Variants in CAP1 observed in about 807,000 individuals in gnomAD.
The protein encoded by CAP1 is adenylyl cyclase-associated protein 1.
A neutral mutation model predicts 58.2 loss-of-function variants in CAP1; 11 were observed. That is an observed-to-expected ratio of 0.19 (90% CI 0.12 to 0.31). The LOEUF is 0.31. CAP1 is among the 10% of genes least tolerant of loss of function. The pLI, the probability that CAP1 is intolerant of heterozygous loss-of-function variation, is 1.00. For missense variants in CAP1, 423 were observed against 587.5 expected (o/e 0.72, Z 2.89); for synonymous variants, 183 against 213.8 (o/e 0.86, Z 1.26).
chr1:40,064,625 G>A (rs1023800098), intron 6 of CAP1, 66 bp downstream of exon 6: 1 of 1,203,284 alleles, frequency 8.3e-7, no homozygotes, highest in East Asian at 2.4e-5. Context: ...CACCCAGGCT[G>A]AAGTACAGTG....
intron 1 of CAP1, among the ~76,000 whole-genome samples, chr1:40,055,249 A>G (rs1404615978): frequency 1.3e-5 from 2 of 152,332 alleles, no homozygotes; most frequent in Admixed American, 6.5e-5. Flanking sequence ...CAGGAGTGGT[A>G]GAAGATTAAG....
In CAP1 at chr1:40,072,120, C is replaced by T. The variant is rs1267530610; in HGVS notation, c.*587C>T. Reference sequence around the variant, plus strand: ...TATTCTATCCTGGGTCTGCCTCAACCGTGAGATAGGAGAGTCTCTGGTACT... The same window carrying T: ...TATTCTATCCTGGGTCTGCCTCAACTGTGAGATAGGAGAGTCTCTGGTACT... On this transcript the variant is annotated 3_prime_UTR_variant, in exon 13 of 13. Coordinates refer to ENST00000372805, the MANE Select transcript of CAP1 (RefSeq NM_006367.4). 6 of 400,026 alleles carry T rather than the reference C, an allele frequency of 1.5e-5. No homozygotes were observed. In the South Asian group the frequency reaches 3.8e-4, roughly 25 times the overall value. The allele number at this position is 400,026 out of a possible 1,614,324, so 24.8% of individuals were successfully genotyped here.
intron 1 of CAP1, among the ~76,000 whole-genome samples, chr1:40,058,536 G>A (rs1029995790): frequency 2.0e-5 from 3 of 152,080 alleles, no homozygotes; most frequent in African/African-American, 7.2e-5. Context: ...GACCATCCTA[G>A]CCAACACAGT....
rs372384097 is a variant in CAP1 at position 40,069,936 on chromosome 1, G to A, written c.993+62G>A. On this transcript the variant is annotated intron_variant, in intron 9 of 12. Transcript: ENST00000372805. ...TATTATTTTATTTTTTTGAGATGGA[G>A]TTTCACTTTGTCGCCCAGGCTGGAG... 34 of 1,472,920 alleles carry A rather than the reference G, an allele frequency of 2.3e-5. No homozygotes were observed. The East Asian group carries it at 2.9e-4, about 12-fold the overall frequency. 91.2% of individuals were successfully genotyped at this position (1,472,920 alleles called of 1,614,324 possible).
intron 8 of CAP1, among the ~76,000 whole-genome samples, chr1:40,068,967 G>C (rs1157880548): frequency 2.6e-5 from 4 of 151,934 alleles, no homozygotes; most frequent in Non-Finnish European, 5.9e-5. Context: ...TAAATAGCTG[G>C]GACTACAGCA....
In CAP1 at chr1:40,069,814, C is replaced by G. The variant is rs750043474; in HGVS notation, c.933C>G (p.Pro311=). The part of the protein sequence containing the change: ...SAPKPQTSPS[P]KRATKKEPAV... ...CTAAACCCCAAACCAGCCCATCCCC[C>G]AAACGAGCCACAAAGAAGGAGCCAG... The change falls in exon 9 of 13, where the codon CCC becomes CCG. Residue 311 remains proline, a synonymous_variant. Coordinates refer to ENST00000372805, the MANE Select transcript of CAP1 (RefSeq NM_006367.4). 6 of 1,583,664 alleles carry G rather than the reference C, an allele frequency of 3.8e-6. No individual in the cohort carries two copies. The African/African-American group carries it at 6.8e-5, about 18-fold the overall frequency.
intron 1 of CAP1, among the ~76,000 whole-genome samples, chr1:40,048,201 A>G (rs1483939047): frequency 6.6e-6 from 1 of 151,620 alleles, no homozygotes; most frequent in African/African-American, 2.4e-5. Flanking sequence ...CGCCTGGCTA[A>G]TTTTTTTATT....
At chr1:40,065,974 A>G (rs1647050023) in intron 6 of CAP1, among the ~76,000 whole-genome samples, 1 of 152,244 alleles carries the variant, frequency 6.6e-6, no homozygotes, top group African/African-American at 2.4e-5. Context: ...TTTGAGAAAC[A>G]TTGCTATGAG....
In CAP1 at chr1:40,061,822, C is replaced by T. The variant is rs1250491061; in HGVS notation, c.294+10C>T. The T allele has an allele frequency of 1.9e-5, 30 of 1,606,704 alleles. No homozygotes were observed. Among genetic ancestry groups the T allele is most frequent in the Non-Finnish European group, 2.4e-5 (28 of 1,173,310 alleles). Reference sequence around the variant, plus strand: ...TCAACAGCCAGCAGAAGTAAGTTCACTACTAGCTGGTTTCATTTTGGTTTG... The same window carrying T: ...TCAACAGCCAGCAGAAGTAAGTTCATTACTAGCTGGTTTCATTTTGGTTTG... On this transcript the variant is annotated intron_variant, in intron 4 of 12. Coordinates refer to ENST00000372805, the MANE Select transcript of CAP1 (RefSeq NM_006367.4).
chr1:40,052,825 T>C (rs964134563), intron 1 of CAP1, among the ~76,000 whole-genome samples: 16 of 150,540 alleles, frequency 1.1e-4, no homozygotes, highest in African/African-American at 3.7e-4. Context: ...GCGCGGTGGC[T>C]CACGCCTGTA....
At chr1:40,044,439 C>A (rs545836256) in intron 1 of CAP1, among the ~76,000 whole-genome samples, 13 of 152,194 alleles carry the variant, frequency 8.5e-5, no homozygotes, top group Non-Finnish European at 1.2e-4. Context: ...ACATCAGTTT[C>A]TTTCTTTATT....
chr1:40,051,791 G>A (rs1310843084), intron 1 of CAP1, among the ~76,000 whole-genome samples: 3 of 151,996 alleles, frequency 2.0e-5, no homozygotes, highest in African/African-American at 7.3e-5. Context: ...GGATGGTCTC[G>A]ATCTCCTGAC....
chr1:40,071,402 C>A, intron 12 of CAP1, 48 bp from the exon 13 acceptor site: 2 of 1,322,524 alleles, frequency 1.5e-6, no homozygotes, highest in Admixed American at 1.7e-5. Flanking sequence ...TTAGCCCCAG[C>A]TGTTCTTTAG....
chr1:40,058,042 G>A (rs957176039), intron 1 of CAP1, among the ~76,000 whole-genome samples: 4 of 152,178 alleles, frequency 2.6e-5, no homozygotes, highest in African/African-American at 4.8e-5. Flanking sequence ...TACCTGCCAG[G>A]TAGTAGTCTA....
At position 40,070,933 on chromosome 1, in the gene CAP1, A is replaced by C. The variant is rs1169033776; in HGVS notation, c.1298A>C (p.Lys433Thr). The C allele has an allele frequency of 6.2e-7, 1 of 1,614,014 alleles. No individual in the cohort carries two copies. Among genetic ancestry groups the C allele is most frequent in the Non-Finnish European group, 8.5e-7 (1 of 1,179,950 alleles). The part of the protein sequence containing the change: ...NSLDCEIVSA[K>T]SSEMNVLIPT... ...CTGGATTGTGAAATAGTCAGTGCCA[A>C]ATCTTCCGAGATGAATGTCCTCATT... The change falls in exon 12 of 13, where the codon AAA (lysine) becomes ACA (threonine). Residue 433 changes from lysine to threonine, a missense_variant. By Grantham distance (78) the Lys-to-Thr change is moderately conservative. Coordinates refer to ENST00000372805, the MANE Select transcript of CAP1 (RefSeq NM_006367.4).
At chr1:40,044,189 AGTTAGAGACTAGC>A (rs1645974582) in intron 1 of CAP1, among the ~76,000 whole-genome samples, 1 of 152,110 alleles carries the variant, frequency 6.6e-6, no homozygotes, top group Non-Finnish European at 1.5e-5. Context: ...CTTGAGGCTG[AGTTAGAGACTAGC>A]CTGGTCAACA....
intron 7 of CAP1, 46 bp from the exon 8 acceptor site, chr1:40,067,494 A>G (rs751874451): frequency 6.5e-7 from 1 of 1,532,324 alleles, no homozygotes; most frequent in Admixed American, 1.9e-5. Flanking sequence ...AATGGTACAG[A>G]GGGGAGCAGA....
At chr1:40,053,290 A>G (rs1646463818) in intron 1 of CAP1, among the ~76,000 whole-genome samples, 1 of 152,216 alleles carries the variant, frequency 6.6e-6, no homozygotes, top group Admixed American at 6.5e-5. Context: ...CCTTGAGCCC[A>G]TAGTGCTGTG....
chr1:40,070,104 AT>A (rs1324271124), intron 9 of CAP1, 54 bp from the exon 10 acceptor site: 1 of 1,609,226 alleles, frequency 6.2e-7, no homozygotes, highest in Non-Finnish European at 8.5e-7. Context: ...TAGCCTGGTT[AT>A]TTTTTGTTCG....
Sources: gnomAD v4.1 joint callset for allele counts (sites outside exome capture counted in the v4.1 genomes callset) on GRCh38, gnomAD v4.1.1 for gene constraint, MANE v1.5 for transcripts, NCBI Gene and HGNC (gene_info 2026-07-23, HGNC 2026-07-21) for gene names.